Variants in CCNH observed in about 807,000 individuals in gnomAD.
CCNH encodes cyclin-H.
Under a neutral mutation model 41.9 loss-of-function variants are expected in CCNH, and 31 were observed. That is an observed-to-expected ratio of 0.74 (90% CI 0.56 to 1.00). CCNH has a LOEUF of 1.00. Among genes scored for constraint, CCNH ranks in the 50% least tolerant of loss-of-function variants. The pLI is 0.00. For synonymous variants in CCNH, 138 were observed against 136.1 expected, an observed-to-expected ratio of 1.01 and a Z score of -0.10; for missense variants, 362 against 388.4, an observed-to-expected ratio of 0.93 and a Z score of 0.57.
intron 9 of CCNH, among the ~76,000 whole-genome samples, chr5:87,351,321 C>G (rs10071944): frequency 6.6e-6 from 1 of 151,428 alleles, no homozygotes; most frequent in East Asian, 1.9e-4. Context: ...TTTATTAGTG[C>G]TCAGGTTTAT....
chr5:87,373,859 C>T (rs1479655547), downstream of CCNH, among the ~76,000 whole-genome samples: 5 of 151,752 alleles, frequency 3.3e-5, no homozygotes, highest in Non-Finnish European at 1.5e-5. Context: ...TTCATTTTCT[C>T]TTTATCATTG....
chr5:87,389,653 A>C (rs1421950894), downstream of CCNH: 1 of 1,245,080 alleles, frequency 8.0e-7, no homozygotes, highest in Admixed American at 1.9e-5. Context: ...TCTGCATCAT[A>C]TTACAAAAGA....
chr5:87,358,629 G>A (rs1466738518), intron 9 of CCNH, among the ~76,000 whole-genome samples: 4 of 152,120 alleles, frequency 2.6e-5, no homozygotes, highest in South Asian at 2.1e-4. Flanking sequence ...ATGTCAGATC[G>A]TGTTACTCCT....
intron 4 of CCNH, among the ~76,000 whole-genome samples, chr5:87,405,217 T>C (rs550016849): frequency 7.2e-5 from 11 of 152,316 alleles, no homozygotes; most frequent in African/African-American, 2.6e-4. Context: ...GGGAAGCTCT[T>C]AGAGATTCCA....
downstream of CCNH, among the ~76,000 whole-genome samples, chr5:87,390,607 T>C (rs138484170): frequency 2.7e-3 from 414 of 152,284 alleles, 3 homozygotes; most frequent in East Asian, 8.5e-3. Flanking sequence ...CTTTAGGGTA[T>C]AAAAATTCTC....
intron 9 of CCNH, among the ~76,000 whole-genome samples, chr5:87,335,128 C>T (rs1192376722): frequency 6.6e-6 from 1 of 152,092 alleles, no homozygotes; most frequent in African/African-American, 2.4e-5. Flanking sequence ...GTGATCTGCC[C>T]GCCTTGGCCT....
intron 9 of CCNH, among the ~76,000 whole-genome samples, chr5:87,350,284 GT>G (rs1759168191): frequency 6.6e-6 from 1 of 151,774 alleles, no homozygotes; most frequent in Non-Finnish European, 1.5e-5. Flanking sequence ...TCATATACAG[GT>G]TGCTTGAGTA....
chr5:87,395,189 A>G, intron 7 of CCNH, 85 bp from the exon 8 acceptor site: 1 of 1,138,976 alleles, frequency 8.8e-7, no homozygotes, highest in Non-Finnish European at 1.3e-6. Context: ...GGCTATAGGC[A>G]ATATCATGTA....
chr5:87,349,150 C>A, intron 9 of CCNH: 3 of 1,559,520 alleles, frequency 1.9e-6, no homozygotes, highest in Non-Finnish European at 1.8e-6. Context: ...TGTAATAATA[C>A]TACTTAACAT....
At chr5:87,315,915 G>A (rs1756294410), downstream of CCNH, among the ~76,000 whole-genome samples, 1 of 151,914 alleles carries the variant, frequency 6.6e-6, no homozygotes, top group South Asian at 2.1e-4. Context: ...TCTAATTATT[G>A]AAAGTCATTT....
Position 87,385,356 on chromosome 5 carries a change from G to A in CCNH, c.*90+7414C>T, listed in dbSNP as rs1371703900. On this transcript the variant is annotated intron_variant and NMD_transcript_variant, in intron 9 of 9. Transcript: ENST00000645953. ...TGATATTAGTGGCTAAATCTGTGCA[G>A]AACTTAGCAAATCTTGTGGAATTTG... is the stretch of plus-strand genomic sequence containing the variant. 2 of 1,610,494 alleles carry A rather than the reference G, an allele frequency of 1.2e-6. No individual in the cohort carries two copies. Among genetic ancestry groups the A allele is most frequent in the African/African-American group, 2.7e-5 (2 of 74,798 alleles).
At chr5:87,395,771 A>C (rs1762907767) in intron 7 of CCNH, among the ~76,000 whole-genome samples, 1 of 152,162 alleles carries the variant, frequency 6.6e-6, no homozygotes, top group Non-Finnish European at 1.5e-5. Flanking sequence ...TGAGAGGCTC[A>C]GGTAGGAAGA....
chr5:87,335,138 T>TC (rs1361872774), intron 9 of CCNH, among the ~76,000 whole-genome samples: 1 of 152,136 alleles, frequency 6.6e-6, no homozygotes, highest in Non-Finnish European at 1.5e-5. Context: ...CGCCTTGGCC[T>TC]CCCAAAGTGC....
intron 9 of CCNH, chr5:87,338,228 G>A (rs1049381177): frequency 8.0e-6 from 11 of 1,369,028 alleles, no homozygotes; most frequent in African/African-American, 4.4e-5. Context: ...AGAATTATAA[G>A]TGCTGTTTGT....
downstream of CCNH, among the ~76,000 whole-genome samples, chr5:87,317,727 C>T (rs1756450614): frequency 6.6e-6 from 1 of 151,940 alleles, no homozygotes; most frequent in South Asian, 2.1e-4. Context: ...CCTCGGCCAC[C>T]TGGGTTCAAT....
chr5:87,355,494 A>ATTT (rs1759586221), intron 9 of CCNH, among the ~76,000 whole-genome samples: 1 of 152,192 alleles, frequency 6.6e-6, no homozygotes, highest in African/African-American at 2.4e-5. Context: ...CTCAGAACAA[A>ATTT]CAATTCCTTT....
chr5:87,383,585 TA>T (rs1761873849), intron 9 of CCNH: 2 of 634,030 alleles, frequency 3.2e-6, no homozygotes, highest in African/African-American at 1.9e-5. Flanking sequence ...GGCTTTCTTT[TA>T]TTGGTTTAGA....
chr5:87,366,397 A>G (rs2112466697), intron 9 of CCNH: 1 of 415,310 alleles, frequency 2.4e-6, no homozygotes, highest in East Asian at 7.1e-5. Flanking sequence ...AGAAAGGTCC[A>G]CATTACACTT....
At chr5:87,341,958 TGAC>T (rs1758502591) in intron 9 of CCNH, among the ~76,000 whole-genome samples, 1 of 152,160 alleles carries the variant, frequency 6.6e-6, no homozygotes, top group African/African-American at 2.4e-5. Flanking sequence ...AACATTCAAC[TGAC>T]TACTCCATTT....
Sources: gnomAD v4.1 joint callset for allele counts (sites outside exome capture counted in the v4.1 genomes callset) on GRCh38, gnomAD v4.1.1 for gene constraint, MANE v1.5 for transcripts, NCBI Gene and HGNC (gene_info 2026-07-23, HGNC 2026-07-21) for gene names.